The following CALD1 variants were observed in gnomAD, a reference collection of about 807,000 sequenced individuals.
CALD1 encodes the protein caldesmon.
Under a neutral mutation model 99.9 loss-of-function variants are expected in CALD1, and 33 were observed. The ratio of observed to expected loss-of-function variants is 0.33; its 90% confidence interval spans 0.25 to 0.44. The LOEUF (loss-of-function observed/expected upper bound fraction) is 0.44. CALD1 is among the 20% of genes least tolerant of loss of function. The pLI is 1.00. For missense variants in CALD1, 861 were observed against 962.1 expected (o/e 0.89, Z 1.39); for synonymous variants, 310 against 325.0 (o/e 0.95, Z 0.50).
upstream of CALD1, among the ~76,000 whole-genome samples, chr7:134,776,663 G>A (rs1796920979): frequency 2.0e-5 from 3 of 152,140 alleles, no homozygotes; most frequent in Non-Finnish European, 4.4e-5. Flanking sequence ...GGTTTTATCT[G>A]ACTAAAAGAA....
chr7:134,770,185 C>T (rs1410539311), intron 1 of CALD1, among the ~76,000 whole-genome samples: 1 of 152,206 alleles, frequency 6.6e-6, no homozygotes, highest in East Asian at 1.9e-4. Context: ...GCTCCCGTCA[C>T]ATGAGGCCTG....
At chr7:134,851,458 G>C (rs530155472) in intron 2 of CALD1, among the ~76,000 whole-genome samples, 1 of 152,290 alleles carries the variant, frequency 6.6e-6, no homozygotes, top group African/African-American at 2.4e-5. Context: ...TCAGGAATCT[G>C]AGCAAGCACT....
the CALD1 span, among the ~76,000 whole-genome samples, chr7:134,715,939 T>G: frequency 6.6e-6 from 1 of 152,190 alleles, no homozygotes; most frequent in East Asian, 1.9e-4. Flanking sequence ...GCCTGCCAAG[T>G]TACAATGGTA....
the CALD1 span, among the ~76,000 whole-genome samples, chr7:134,735,864 G>C: frequency 6.6e-6 from 1 of 152,100 alleles, no homozygotes; most frequent in Non-Finnish European, 1.5e-5. Context: ...GTTTGATAAA[G>C]TCCTTAAACA....
At chr7:134,875,547 G>T (rs1801306163) in intron 3 of CALD1, among the ~76,000 whole-genome samples, 1 of 152,178 alleles carries the variant, frequency 6.6e-6, no homozygotes, top group Admixed American at 6.5e-5. Context: ...TGAGACAGGA[G>T]AATTGCTTGA....
intron 1 of CALD1, among the ~76,000 whole-genome samples, chr7:134,836,259 G>T (rs904073435): frequency 2.6e-5 from 4 of 151,386 alleles, no homozygotes; most frequent in Admixed American, 2.0e-4. Context: ...CTTCATAGTT[G>T]CTTCTGTTTG....
intron 3 of CALD1, among the ~76,000 whole-genome samples, chr7:134,885,008 G>A (rs138719545): frequency 0.012 from 1,807 of 150,538 alleles, 32 homozygotes; most frequent in African/African-American, 0.041. Flanking sequence ...GTGTGATCTC[G>A]GCTCACTGCA....
At chr7:134,766,141 CTTTT>C (rs71172475) in intron 1 of CALD1, among the ~76,000 whole-genome samples, 36 of 70,810 alleles carry the variant, frequency 5.1e-4, no homozygotes, top group African/African-American at 9.2e-4. Flanking sequence ...CTTTTCTTTT[CTTTT>C]TTTTTTTTTT....
chr7:134,771,710 A>G (rs533639827), intron 1 of CALD1, among the ~76,000 whole-genome samples: 1 of 152,188 alleles, frequency 6.6e-6, no homozygotes, highest in Non-Finnish European at 1.5e-5. Flanking sequence ...AAGCCTCTGG[A>G]TGGCGGATCT....
chr7:134,809,992 T>C (rs899268686), intron 1 of CALD1, among the ~76,000 whole-genome samples: 2 of 152,238 alleles, frequency 1.3e-5, no homozygotes, highest in African/African-American at 2.4e-5. Context: ...CCAAAGACTA[T>C]AAACTTTTAA....
At chr7:134,717,027 C>G in the CALD1 span, among the ~76,000 whole-genome samples, 1 of 152,162 alleles carries the variant, frequency 6.6e-6, no homozygotes, top group Non-Finnish European at 1.5e-5. Context: ...TATCATCTAT[C>G]TATCTGTCTA....
intron 1 of CALD1, among the ~76,000 whole-genome samples, chr7:134,797,897 G>A (rs558156775): frequency 1.3e-3 from 204 of 152,176 alleles, no homozygotes; most frequent in African/African-American, 4.2e-3. Context: ...TGGCCAAATT[G>A]TTTATTTGTA....
chr7:134,795,176 GA>G lies in CALD1; in HGVS notation c.-130+15430del, dbSNP rs544287634. Among the ~76,000 whole-genome samples the G allele has an allele frequency of 2.4e-3, 371 of 152,038 alleles. 1 individual carries two copies. Among genetic ancestry groups the G allele is most frequent in the African/African-American group, 8.2e-3 (339 of 41,460 alleles). ...AATACTCTAAAAATTAAAGAATGAG[GA>G]AAGAAGACTGTGTCCCCACCCAAAT... On this transcript the variant is annotated intron_variant, in intron 1 of 14. Transcript: ENST00000361675.
chr7:134,748,160 C>T (rs1796652381), intron 1 of CALD1, among the ~76,000 whole-genome samples: 2 of 152,260 alleles, frequency 1.3e-5, no homozygotes, highest in Non-Finnish European at 2.9e-5. Flanking sequence ...CAGAACTTGC[C>T]ACTTCTTTCT....
chr7:134,946,055 C>T (rs190831895), intron 7 of CALD1, among the ~76,000 whole-genome samples: 2 of 152,216 alleles, frequency 1.3e-5, no homozygotes, highest in East Asian at 1.9e-4. Context: ...CCAAGTTAAC[C>T]AGTAACTTAC....
intron 1 of CALD1, among the ~76,000 whole-genome samples, chr7:134,801,656 G>T (rs990844279): frequency 6.6e-6 from 1 of 151,946 alleles, no homozygotes. Context: ...GTCTCACTCT[G>T]TCACCCAGGC....
chr7:134,891,549 C>CCA (rs1453787562), intron 3 of CALD1: 41 of 1,556,310 alleles, frequency 2.6e-5, no homozygotes, highest in Non-Finnish European at 3.5e-5. Context: ...CGGGCCCAGC[C>CCA]CACGCCCTGA....
intron 3 of CALD1, among the ~76,000 whole-genome samples, chr7:134,894,587 A>G (rs1563074958): frequency 6.6e-6 from 1 of 152,236 alleles, no homozygotes; most frequent in Admixed American, 6.5e-5. Flanking sequence ...TTGCATTTCC[A>G]TCAGATAATT....
chr7:134,900,514 A>C (rs1158465475), intron 3 of CALD1, among the ~76,000 whole-genome samples: 1 of 152,128 alleles, frequency 6.6e-6, no homozygotes, highest in Non-Finnish European at 1.5e-5. Context: ...CAGGTTGCAC[A>C]AAAGAGTCTC....
Sources: gnomAD v4.1 joint callset for allele counts (sites outside exome capture counted in the v4.1 genomes callset) on GRCh38, gnomAD v4.1.1 for gene constraint, MANE v1.5 for transcripts, NCBI Gene and HGNC (gene_info 2026-07-23, HGNC 2026-07-21) for gene names.